The following RNF220 variants were observed in gnomAD, a reference collection of about 807,000 sequenced individuals.
The protein encoded by RNF220 is E3 ubiquitin-protein ligase RNF220.
A neutral mutation model predicts 67.1 loss-of-function variants in RNF220; 7 were observed. That is an observed-to-expected ratio of 0.10 (90% CI 0.06 to 0.20). The LOEUF (loss-of-function observed/expected upper bound fraction) is 0.20, where lower values mean the gene tolerates loss of function less well. Among genes scored for constraint, RNF220 ranks in the 10% least tolerant of loss-of-function variants. The pLI, the probability that RNF220 is intolerant of heterozygous loss-of-function variation, is 1.00. For missense variants in RNF220, 565 were observed against 740.3 expected (o/e 0.76, Z 2.75); for synonymous variants, 270 against 283.2 (o/e 0.95, Z 0.47).
In RNF220 at chr1:44,624,873, A is replaced by G. The variant is rs1643894093; in HGVS notation, c.805-1424A>G. The stretch of plus-strand genomic sequence containing the variant: ...GCCACTTTTAATGAGGCGAAGAGCC[A>G]GGCAAAAAGTCATGATTTAATGCCG... On this transcript the variant is annotated intron_variant, in intron 4 of 14. Transcript: ENST00000361799. The surrounding 1 kb of genome is among the most constrained non-coding windows in gnomAD (Gnocchi z 4.2). Among the ~76,000 whole-genome samples, 1 of 152,266 alleles carries G rather than the reference A, an allele frequency of 6.6e-6. No homozygotes were observed. The highest frequency in any genetic ancestry group is 2.4e-5 in the African/African-American group (1 of 41,468).
chr1:44,462,372 C>G (rs1653860896), intron 2 of RNF220, among the ~76,000 whole-genome samples: 1 of 151,958 alleles, frequency 6.6e-6, no homozygotes, highest in African/African-American at 2.4e-5. Context: ...AAAATATTGA[C>G]CAAAGGTAAC....
chr1:44,508,083 G>A (rs935302262), intron 2 of RNF220, among the ~76,000 whole-genome samples: 5 of 151,914 alleles, frequency 3.3e-5, no homozygotes, highest in Non-Finnish European at 5.9e-5. Flanking sequence ...GGGGGTGGGC[G>A]TGTGGGGGTG....
chr1:44,518,895 A>C (rs1222958217), intron 2 of RNF220, among the ~76,000 whole-genome samples: 1 of 152,160 alleles, frequency 6.6e-6, no homozygotes, highest in East Asian at 1.9e-4. Context: ...AAAACAAAAA[A>C]AAAAAAACTT....
At chr1:44,629,455 T>C (rs1475380883) in intron 5 of RNF220, among the ~76,000 whole-genome samples, 1 of 152,248 alleles carries the variant, frequency 6.6e-6, no homozygotes, top group Non-Finnish European at 1.5e-5. Flanking sequence ...CTGACTCATG[T>C]TCAGCTTAGT....
chr1:44,487,165 C>G (rs1656381169), intron 2 of RNF220, among the ~76,000 whole-genome samples: 1 of 148,714 alleles, frequency 6.7e-6, no homozygotes, highest in South Asian at 2.1e-4. Flanking sequence ...TGAAACCCTG[C>G]CTCTACCAAA....
At chr1:44,631,563 A>G (rs1317142364) in intron 5 of RNF220, among the ~76,000 whole-genome samples, 1 of 152,240 alleles carries the variant, frequency 6.6e-6, no homozygotes, top group Non-Finnish European at 1.5e-5. Context: ...GACAGCTGAC[A>G]TGTTGGGAGT....
intron 2 of RNF220, among the ~76,000 whole-genome samples, chr1:44,451,202 A>G (rs1324316138): frequency 2.6e-5 from 4 of 152,046 alleles, no homozygotes; most frequent in Non-Finnish European, 5.9e-5. Context: ...AAGAAAAAAA[A>G]AAAAAAGACT....
At chr1:44,549,927 C>T (rs190980158) in intron 2 of RNF220, among the ~76,000 whole-genome samples, 22 of 152,302 alleles carry the variant, frequency 1.4e-4, no homozygotes, top group Non-Finnish European at 2.2e-4. Flanking sequence ...ATTTATCCTA[C>T]GCCTGGGCTC....
At chr1:44,638,237 G>GGCCGGGCTGCAA (rs755756103) in intron 8 of RNF220, 3 of 152,312 alleles carry the variant, frequency 2.0e-5, no homozygotes, top group Admixed American at 1.3e-4. Context: ...CCGCCGGGCG[G>GGCCGGGCTGCAA]GCCGGGCTGC....
chr1:44,474,154 T>C (rs1262332822), intron 2 of RNF220, among the ~76,000 whole-genome samples: 5 of 151,698 alleles, frequency 3.3e-5, no homozygotes, highest in South Asian at 2.1e-4. Flanking sequence ...GCAGGTGGAT[T>C]ACCTGAGGTC....
chr1:44,443,417 A>G (rs1321085352), intron 2 of RNF220, among the ~76,000 whole-genome samples: 1 of 152,194 alleles, frequency 6.6e-6, no homozygotes, highest in Non-Finnish European at 1.5e-5. Flanking sequence ...ACACTGTTGC[A>G]GTAGGCTCCT....
intron 2 of RNF220, among the ~76,000 whole-genome samples, chr1:44,511,068 G>GCAGC (rs1287714346): frequency 6.6e-6 from 1 of 152,172 alleles, no homozygotes; most frequent in Admixed American, 6.5e-5. Flanking sequence ...AAGGAAGCAT[G>GCAGC]CAGCCCACTT....
chr1:44,641,250 G>A (rs938718222), intron 8 of RNF220, among the ~76,000 whole-genome samples: 1 of 152,170 alleles, frequency 6.6e-6, no homozygotes, highest in African/African-American at 2.4e-5. Flanking sequence ...ACCCTGCTGG[G>A]TATCATTGAC....
chr1:44,617,413 C>T (rs902963802), intron 3 of RNF220, among the ~76,000 whole-genome samples: 1 of 152,240 alleles, frequency 6.6e-6, no homozygotes, highest in Admixed American at 6.5e-5. Context: ...CCGCCGCCGC[C>T]CTCGTGATTT....
intron 2 of RNF220, among the ~76,000 whole-genome samples, chr1:44,508,792 C>A (rs1658679919): frequency 6.6e-6 from 1 of 152,228 alleles, no homozygotes; most frequent in African/African-American, 2.4e-5. Context: ...TGGTGGAAAA[C>A]TTCTGTCACC....
intron 2 of RNF220, among the ~76,000 whole-genome samples, chr1:44,585,681 A>G (rs1308642836): frequency 2.6e-5 from 4 of 152,222 alleles, no homozygotes; most frequent in Non-Finnish European, 5.9e-5. Flanking sequence ...GAAGTTAAAT[A>G]TAGCACAGTG....
intron 6 of RNF220, 45 bp downstream of exon 6, chr1:44,632,430 T>G: frequency 2.2e-6 from 2 of 907,446 alleles, no homozygotes; most frequent in Non-Finnish European, 2.7e-6. Flanking sequence ...CCCGGCCTCC[T>G]CCCTCCCTCC....
intron 2 of RNF220, among the ~76,000 whole-genome samples, chr1:44,421,182 G>A (rs745541206): frequency 2.0e-5 from 3 of 152,166 alleles, no homozygotes; most frequent in Non-Finnish European, 4.4e-5. Context: ...CTGGGAGTCG[G>A]GAGAGGATTT....
At chr1:44,568,152 GGTGACACT>G (rs1488981966) in intron 2 of RNF220, among the ~76,000 whole-genome samples, 1 of 152,152 alleles carries the variant, frequency 6.6e-6, no homozygotes, top group African/African-American at 2.4e-5. Flanking sequence ...CAACAATGTA[GGTGACACT>G]GTGCCACTCC....
Sources: allele counts gnomAD v4.1 joint callset (sites outside exome capture counted in the v4.1 genomes callset), GRCh38; gene constraint gnomAD v4.1.1; non-coding constraint Gnocchi (gnomAD v3.1); transcripts MANE v1.5; gene names NCBI Gene and HGNC (gene_info 2026-07-23, HGNC 2026-07-21).